Variants in FAM118B observed in about 807,000 individuals in gnomAD.
FAM118B encodes the protein protein FAM118B.
In FAM118B, 24 loss-of-function variants were observed where a neutral mutation model predicts 38.5. The observed-to-expected ratio is 0.62, with a 90% CI of 0.45 to 0.88. The LOEUF (loss-of-function observed/expected upper bound fraction) is 0.88. Ranked by LOEUF, FAM118B falls within the 40% of genes least tolerant of loss-of-function variation. The probability of loss-of-function intolerance (pLI) is 0.00; values close to 1 mark genes in which losing one functional copy is unlikely to be tolerated. For missense variants in FAM118B, 334 were observed against 420.0 expected (o/e 0.80, Z 1.79); for synonymous variants, 138 against 156.3 (o/e 0.88, Z 0.87).
At chr11:126,214,490 G>GTTTTGTTTTTTTT (rs1949942835) in intron 1 of FAM118B, 1 of 25,848 alleles carries the variant, frequency 3.9e-5, no homozygotes, top group South Asian at 1.3e-3. Context: ...TTTTGTTTCT[G>GTTTTGTTTTTTTT]TTTTTTTTTT....
chr11:126,211,783 C>T lies in FAM118B; in HGVS notation c.-124C>T, dbSNP rs1949880498. 3.5e-6 allele frequency: 3 copies of T among 868,360 alleles called. No homozygotes were observed. Among genetic ancestry groups the T allele is most frequent in the South Asian group, 3.4e-5 (2 of 59,578 alleles). 53.8% of individuals were successfully genotyped at this position (868,360 alleles called of 1,614,324 possible). A position where few individuals can be genotyped will look rare whatever the true frequency, so the allele number is the denominator to read the frequency against. ...GGACGGTGCGCGCTCAGTGCGGCTG[C>T]GCCGGCCGGTAGCTGCAGCTGGAGC... On this transcript the variant is annotated 5_prime_UTR_variant, in exon 1 of 9. Transcript: ENST00000533050.
rs1406383407 is a variant in FAM118B at position 126,253,658 on chromosome 11, T to C, written c.568-647T>C. On this transcript the variant is annotated intron_variant, in intron 5 of 8. Transcript: ENST00000533050. The surrounding 1 kb of genome is among the most constrained non-coding windows in gnomAD (Gnocchi z 5.1). ...CAGCCAGGCATTTTTTCTGCTGATT[T>C]TTGCACCCTCTTCACATACCTGCAG... 1.3e-5 allele frequency among the ~76,000 whole-genome samples: 2 copies of C among 152,178 alleles called. No homozygotes were observed. The highest frequency in any genetic ancestry group is 2.9e-5 in the Non-Finnish European group (2 of 68,024).
At chr11:126,247,883 A>ATATATATATATAGATATACG (rs1950439044) in intron 4 of FAM118B, among the ~76,000 whole-genome samples, 2 of 144,356 alleles carry the variant, frequency 1.4e-5, no homozygotes, top group Non-Finnish European at 3.0e-5. Context: ...ATATATATCT[A>ATATATATATATAGATATACG]TATATATATA....
chr11:126,254,455 G>A (rs1950547916), intron 6 of FAM118B, 22 bp downstream of exon 6: 1 of 1,612,668 alleles, frequency 6.2e-7, no homozygotes, highest in Non-Finnish European at 8.5e-7. Context: ...TGATCTTGCT[G>A]GTCTCAGGAA....
Position 126,262,273 on chromosome 11 carries a change from G to A in FAM118B, c.*140G>A, listed in dbSNP as rs1488304044. The A allele has an allele frequency of 2.4e-6, 2 of 846,212 alleles. No homozygotes were observed. Among genetic ancestry groups the A allele is most frequent in the Admixed American group, 4.4e-5 (2 of 45,520 alleles). The allele number at this position is 846,212 out of a possible 1,614,324, so 52.4% of individuals were successfully genotyped here. A position where few individuals can be genotyped will look rare whatever the true frequency, so the allele number is the denominator to read the frequency against. ...AGAGGTTGAAGGGCGGGGTAGAAGAGGGGGGAATGTTGCAGCGTAATCCTT... is the reference window on the plus strand; with the variant it reads ...AGAGGTTGAAGGGCGGGGTAGAAGAAGGGGGAATGTTGCAGCGTAATCCTT... On this transcript the variant is annotated 3_prime_UTR_variant, in exon 9 of 9. Coordinates refer to ENST00000533050, the MANE Select transcript of FAM118B (RefSeq NM_024556.4).
chr11:126,238,099 C>T (rs1442591054), intron 3 of FAM118B, among the ~76,000 whole-genome samples: 1 of 151,852 alleles, frequency 6.6e-6, no homozygotes, highest in East Asian at 1.9e-4. Flanking sequence ...CGGTGGCTCA[C>T]GCCTGTAATC....
chr11:126,254,550 G>C, intron 6 of FAM118B, 117 bp downstream of exon 6: 1 of 1,387,780 alleles, frequency 7.2e-7, no homozygotes, highest in Non-Finnish European at 9.9e-7. Context: ...GGAAGGTCAG[G>C]GGCTAGGAGC....
At chr11:126,233,957 C>T (rs1388581041) in intron 2 of FAM118B, among the ~76,000 whole-genome samples, 1 of 152,094 alleles carries the variant, frequency 6.6e-6, no homozygotes, top group Non-Finnish European at 1.5e-5. Context: ...TAGCATGTGC[C>T]TGTAGTCCCA....
intron 3 of FAM118B, among the ~76,000 whole-genome samples, chr11:126,240,265 C>CT (rs1396031095): frequency 1.4e-5 from 2 of 146,018 alleles, no homozygotes; most frequent in African/African-American, 2.5e-5. Context: ...CTATTGGCCA[C>CT]TTTTTTTTTC....
intron 4 of FAM118B, among the ~76,000 whole-genome samples, chr11:126,247,931 A>G (rs564823749): frequency 2.2e-4 from 33 of 147,258 alleles, no homozygotes; most frequent in Non-Finnish European, 4.6e-4. Flanking sequence ...GTATATCTAT[A>G]TATATATTTT....
At position 126,250,338 on chromosome 11, in the gene FAM118B, G is replaced by A. The variant is rs1416377384; in HGVS notation, c.340-168G>A. On this transcript the variant is annotated intron_variant, in intron 4 of 8. Transcript: ENST00000533050. The surrounding 1 kb of genome is among the most constrained non-coding windows in gnomAD (Gnocchi z 5.1). ...GATCTCCTGACCTCGTGATCCGCCC[G>A]CCTCGGTCTCCCAAAGTGCTGGGAT... 2.6e-5 allele frequency among the ~76,000 whole-genome samples: 4 copies of A among 152,054 alleles called. No individual in the cohort carries two copies. Among genetic ancestry groups the A allele is most frequent in the Non-Finnish European group, 2.9e-5 (2 of 68,010 alleles).
intron 2 of FAM118B, among the ~76,000 whole-genome samples, chr11:126,232,388 C>T (rs1258181663): frequency 6.6e-6 from 1 of 152,016 alleles, no homozygotes; most frequent in African/African-American, 2.4e-5. Flanking sequence ...AACAATGCCT[C>T]GTAAGGTTAT....
In FAM118B at chr11:126,250,739, A is replaced by C. The variant is rs1351115674; in HGVS notation, c.567+6A>C. 6.3e-7 allele frequency: 1 copy of C among 1,597,744 alleles called. No homozygotes were observed. Among genetic ancestry groups the C allele is most frequent in the Admixed American group, 1.7e-5 (1 of 59,756 alleles). On this transcript the variant is annotated splice_donor_region_variant and intron_variant, in intron 5 of 8. Transcript: ENST00000533050. This position sits in a 1 kb window ranked among gnomAD's most constrained non-coding sequence, Gnocchi z 5.1. Reference sequence around the variant, plus strand: ...ACCTTACTGATGAGAAAAAGGTAAAAAGTAAAGCATTGGTCCCTTCTTCAG... The same window carrying C: ...ACCTTACTGATGAGAAAAAGGTAAACAGTAAAGCATTGGTCCCTTCTTCAG...
chr11:126,220,487 G>A (rs1950050043), intron 1 of FAM118B, among the ~76,000 whole-genome samples: 1 of 152,060 alleles, frequency 6.6e-6, no homozygotes, highest in Non-Finnish European at 1.5e-5. Context: ...AGGGCAAGAG[G>A]ATTGCTTGAC....
Position 126,252,701 on chromosome 11 carries a change from C to T in FAM118B, c.568-1604C>T, listed in dbSNP as rs956530168. Among the ~76,000 whole-genome samples the T allele has an allele frequency of 1.3e-5, 2 of 151,986 alleles. No individual in the cohort carries two copies. The highest frequency in any genetic ancestry group is 1.9e-4 in the East Asian group (1 of 5,184). The stretch of plus-strand genomic sequence containing the variant: ...GAGGCTACAGTGAGTTGTGATCACA[C>T]TGTTGCACTCCAGCCTGGGTGACAG... On this transcript the variant is annotated intron_variant, in intron 5 of 8. Transcript: ENST00000533050. This position sits in a 1 kb window ranked among gnomAD's most constrained non-coding sequence, Gnocchi z 4.7.
At chr11:126,241,280 G>A (rs1950354612) in intron 4 of FAM118B, 1 of 404,576 alleles carries the variant, frequency 2.5e-6, no homozygotes, top group African/African-American at 2.0e-5. Context: ...TGATGTTGAG[G>A]ACTTTATATG....
Position 126,253,297 on chromosome 11 carries a change from G to A in FAM118B, c.568-1008G>A, listed in dbSNP as rs372934328. Among the ~76,000 whole-genome samples the A allele has an allele frequency of 3.3e-5, 5 of 152,128 alleles. No individual in the cohort carries two copies. In the South Asian group the frequency reaches 6.2e-4, roughly 19 times the overall value. ...GACATTGACTGGTAGTCAGAATGGG[G>A]CCTAGTAACATTCAAATTCTAAATC... On this transcript the variant is annotated intron_variant, in intron 5 of 8. Coordinates refer to ENST00000533050, the MANE Select transcript of FAM118B (RefSeq NM_024556.4). The surrounding 1 kb of genome is among the most constrained non-coding windows in gnomAD (Gnocchi z 5.1).
At chr11:126,234,855 A>G in intron 2 of FAM118B, 140 bp from the exon 3 acceptor site, 1 of 538,794 alleles carries the variant, frequency 1.9e-6, no homozygotes, top group South Asian at 3.8e-5. Context: ...TCATTAATTA[A>G]CAAATTTCTG....
chr11:126,261,545 G>A, intron 8 of FAM118B, 61 bp downstream of exon 8: 1 of 1,395,472 alleles, frequency 7.2e-7, no homozygotes, highest in Admixed American at 1.7e-5. Context: ...CTAGGTCCTT[G>A]GTTAAGAATA....
Sources: allele counts gnomAD v4.1 joint callset (sites outside exome capture counted in the v4.1 genomes callset), GRCh38; gene constraint gnomAD v4.1.1; non-coding constraint Gnocchi (gnomAD v3.1); transcripts MANE v1.5; gene names NCBI Gene and HGNC (gene_info 2026-07-23, HGNC 2026-07-21).